IGSF11: variants seen among roughly 807,000 people sequenced by gnomAD.
IGSF11 encodes the protein CXADR like 1.
IGSF11 carries 22 observed loss-of-function variants against 41.0 expected under a neutral mutation model. That is an observed-to-expected ratio of 0.54 (90% CI 0.38 to 0.77). The LOEUF is 0.77. IGSF11 is among the 30% of genes least tolerant of loss of function. The probability of loss-of-function intolerance (pLI) is 0.00; values close to 1 mark genes in which losing one functional copy is unlikely to be tolerated. For synonymous variants in IGSF11, 219 were observed against 201.3 expected, an observed-to-expected ratio of 1.09 and a Z score of -0.74; for missense variants, 444 against 530.8, an observed-to-expected ratio of 0.84 and a Z score of 1.61.
intron 4 of IGSF11, among the ~76,000 whole-genome samples, chr3:118,919,498 CACATGAA>C (rs1405887053): frequency 2.5e-4 from 32 of 126,696 alleles, no homozygotes; most frequent in Middle Eastern, 3.6e-3. Context: ...AGCCAAAAGA[CACATGAA>C]AAAATGCTCA....
intron 1 of IGSF11, among the ~76,000 whole-genome samples, chr3:118,976,740 G>C (rs755401072): frequency 4.3e-4 from 65 of 152,122 alleles, no homozygotes; most frequent in Non-Finnish European, 3.4e-4. Flanking sequence ...CCATATTAAT[G>C]TATCAAATGT....
rs888579598 is a variant in IGSF11, at chr3:118,909,266, G to A, written c.581-3548C>T. 3.3e-5 allele frequency among the ~76,000 whole-genome samples: 5 copies of A among 151,994 alleles called. 1 individual carries two copies. The highest frequency in any genetic ancestry group is 1.9e-4 in the East Asian group (1 of 5,178). On this transcript the variant is annotated intron_variant, in intron 4 of 6. Transcript: ENST00000393775. ...AAATAATGAGTAACTATAATAAACTGAACATTTCTTATATAAAAGTTTCAG... is the reference window on the plus strand; with the variant it reads ...AAATAATGAGTAACTATAATAAACTAAACATTTCTTATATAAAAGTTTCAG...
At chr3:118,939,413 T>G (rs748864746) in intron 1 of IGSF11, among the ~76,000 whole-genome samples, 7 of 151,922 alleles carry the variant, frequency 4.6e-5, no homozygotes, top group Non-Finnish European at 1.0e-4. Context: ...CCATCTCTAC[T>G]AAAAATATAA....
At chr3:119,017,074 A>T (rs1938787425) in intron 1 of IGSF11, among the ~76,000 whole-genome samples, 1 of 151,112 alleles carries the variant, frequency 6.6e-6, no homozygotes, top group Non-Finnish European at 1.5e-5. Context: ...TATGGGGCCA[A>T]CTTCACTTGG....
At chr3:118,948,497 T>C (rs1002527072) in intron 1 of IGSF11, 2 of 151,826 alleles carry the variant, frequency 1.3e-5, no homozygotes, top group Non-Finnish European at 2.9e-5. Flanking sequence ...TCAAGTTAAG[T>C]GGGGAAAAGG....
chr3:118,911,193 T>G (rs918445393), intron 4 of IGSF11, among the ~76,000 whole-genome samples: 1 of 152,066 alleles, frequency 6.6e-6, no homozygotes, highest in Non-Finnish European at 1.5e-5. Flanking sequence ...CTGTTGACAT[T>G]TAATCTTTTA....
chr3:118,985,876 A>G (rs1217510865), intron 1 of IGSF11, among the ~76,000 whole-genome samples: 1 of 152,110 alleles, frequency 6.6e-6, no homozygotes, highest in Non-Finnish European at 1.5e-5. Context: ...GTGATTCTTA[A>G]AAAATGCAAA....
intron 1 of IGSF11, among the ~76,000 whole-genome samples, chr3:118,979,821 A>G (rs1025460510): frequency 1.3e-5 from 2 of 152,238 alleles, no homozygotes; most frequent in East Asian, 3.8e-4. Context: ...AATCAACAGT[A>G]AAATATTAAT....
chr3:119,102,997 A>ATTTTTT (rs142951970), intron 1 of IGSF11, among the ~76,000 whole-genome samples: 1 of 126,842 alleles, frequency 7.9e-6, no homozygotes, highest in Non-Finnish European at 1.6e-5. Flanking sequence ...TACTTGGCCA[A>ATTTTTT]TTTTTTTTTT....
At chr3:119,138,471 G>A (rs1358529395) in intron 1 of IGSF11, among the ~76,000 whole-genome samples, 2 of 152,334 alleles carry the variant, frequency 1.3e-5, no homozygotes, top group East Asian at 3.9e-4. Context: ...GATCACTTGA[G>A]TTCTGGAATT....
intron 1 of IGSF11, among the ~76,000 whole-genome samples, chr3:119,004,530 T>C (rs1383141179): frequency 7.1e-6 from 1 of 140,342 alleles, no homozygotes; most frequent in African/African-American, 2.9e-5. Flanking sequence ...ACTCTTGCTT[T>C]TCTAGTTCTT....
intron 1 of IGSF11, among the ~76,000 whole-genome samples, chr3:119,009,230 A>G (rs1937798625): frequency 6.6e-6 from 1 of 152,172 alleles, no homozygotes; most frequent in Admixed American, 6.5e-5. Context: ...CTGTTACCCA[A>G]GCTTTCCCAT....
At chr3:119,056,644 C>A (rs1941847377) in intron 1 of IGSF11, among the ~76,000 whole-genome samples, 1 of 152,146 alleles carries the variant, frequency 6.6e-6, no homozygotes, top group Non-Finnish European at 1.5e-5. Flanking sequence ...CATCCTGATA[C>A]CAAAGCCTGG....
chr3:119,112,959 G>A (rs1045878375), intron 1 of IGSF11, among the ~76,000 whole-genome samples: 4 of 152,328 alleles, frequency 2.6e-5, no homozygotes, highest in Middle Eastern at 3.4e-3. Context: ...AGAGGAAGCA[G>A]ACATGTCCTA....
rs1006864829 is a variant in IGSF11 at position 119,131,145 on chromosome 3, C to T, written c.-14+14668G>A. 3.3e-5 allele frequency among the ~76,000 whole-genome samples: 5 copies of T among 152,288 alleles called. 1 individual carries two copies. Among genetic ancestry groups the T allele is most frequent in the East Asian group, 3.9e-4 (2 of 5,176 alleles). On this transcript the variant is annotated intron_variant, in intron 1 of 7. Coordinates refer to the IGSF11 transcript ENST00000425327. The stretch of plus-strand genomic sequence containing the variant: ...TCTGAACACAAGAGCGCCTCTTCCC[C>T]TCCAAAGGATCGCAGCTCCTTGCCA...
rs1298092688 is a variant in IGSF11, at chr3:119,101,035, C to T, written c.49+4109G>A. On this transcript the variant is annotated intron_variant, in intron 1 of 6. Coordinates refer to the IGSF11 transcript ENST00000354673. ...GAAACATAGATGTTGTCTTCAACTC[C>T]TTTCTCTTCCTCACTACTCATCATT... is the stretch of plus-strand genomic sequence containing the variant. Among the ~76,000 whole-genome samples the T allele has an allele frequency of 4.6e-5, 7 of 152,150 alleles. No homozygotes were observed. In the East Asian group the frequency reaches 1.3e-3, roughly 29 times the overall value.
At chr3:119,141,674 T>C (rs1343140956) in intron 1 of IGSF11, among the ~76,000 whole-genome samples, 1 of 149,356 alleles carries the variant, frequency 6.7e-6, no homozygotes, top group Non-Finnish European at 1.5e-5. Context: ...ATATATCTAA[T>C]ATAGATATAT....
Position 118,938,968 on chromosome 3 carries a change from G to C in IGSF11, c.53-8693C>G, listed in dbSNP as rs529644538. On this transcript the variant is annotated intron_variant, in intron 1 of 6. Coordinates refer to ENST00000393775, the MANE Select transcript of IGSF11 (RefSeq NM_001015887.3). Reference sequence around the variant, plus strand: ...ACTGACAGAATTAAAAGGAGAAAAAGTGAAAAACCTGCAATTATGGTTGGT... The same window carrying C: ...ACTGACAGAATTAAAAGGAGAAAAACTGAAAAACCTGCAATTATGGTTGGT... Among the ~76,000 whole-genome samples the C allele has an allele frequency of 2.0e-5, 3 of 152,260 alleles. No individual in the cohort carries two copies. The East Asian group carries it at 5.8e-4, about 29-fold the overall frequency.
intron 1 of IGSF11, among the ~76,000 whole-genome samples, chr3:119,062,110 G>A (rs1942072420): frequency 6.6e-6 from 1 of 152,042 alleles, no homozygotes; most frequent in Non-Finnish European, 1.5e-5. Flanking sequence ...GCCCATTACA[G>A]TGCCTACCTG....
Sources: allele counts gnomAD v4.1 joint callset (sites outside exome capture counted in the v4.1 genomes callset), GRCh38; gene constraint gnomAD v4.1.1; transcripts MANE v1.5; gene names NCBI Gene and HGNC (gene_info 2026-07-23, HGNC 2026-07-21).